CDC42SE2: variants seen among roughly 807,000 people sequenced by gnomAD.
The protein encoded by CDC42SE2 is CDC42 small effector protein 2.
In CDC42SE2, 3 loss-of-function variants were observed where a neutral mutation model predicts 11.5. The ratio of observed to expected loss-of-function variants is 0.26; its 90% confidence interval spans 0.12 to 0.67. The LOEUF is 0.67. Ranked by LOEUF, CDC42SE2 falls within the 30% of genes least tolerant of loss-of-function variation. The pLI, the probability that CDC42SE2 is intolerant of heterozygous loss-of-function variation, is 0.80. For synonymous variants in CDC42SE2, 33 were observed against 34.8 expected (o/e 0.95, Z 0.18); for missense variants, 82 against 106.8 (o/e 0.77, Z 1.02).
chr5:131,375,620 G>A (rs972891055), intron 3 of CDC42SE2, among the ~76,000 whole-genome samples: 2 of 152,040 alleles, frequency 1.3e-5, no homozygotes, highest in Non-Finnish European at 2.9e-5. Context: ...AGCCAGACAA[G>A]TAGAATTATT....
chr5:131,253,971 C>T (rs1456070142), intron 1 of CDC42SE2, among the ~76,000 whole-genome samples: 2 of 152,164 alleles, frequency 1.3e-5, no homozygotes, highest in Non-Finnish European at 1.5e-5. Flanking sequence ...AGGAGAAACA[C>T]CACTGTCTGA....
intron 3 of CDC42SE2, among the ~76,000 whole-genome samples, chr5:131,381,404 A>T (rs931714990): frequency 5.3e-5 from 8 of 151,476 alleles, no homozygotes; most frequent in Non-Finnish European, 8.8e-5. Context: ...GCTCACTGCA[A>T]CCTCCGCCTC....
chr5:131,283,981 C>T (rs1757291872), intron 1 of CDC42SE2, among the ~76,000 whole-genome samples: 1 of 152,006 alleles, frequency 6.6e-6, no homozygotes, highest in African/African-American at 2.4e-5. Context: ...GTATATATAC[C>T]TAGGAGTAGA....
intron 1 of CDC42SE2, among the ~76,000 whole-genome samples, chr5:131,284,455 G>T (rs1028198642): frequency 1.3e-5 from 2 of 152,136 alleles, no homozygotes; most frequent in African/African-American, 4.8e-5. Flanking sequence ...AGTGTACCTG[G>T]TTTTGGGGGA....
At chr5:131,259,369 G>GA (rs1304383602), upstream of CDC42SE2, among the ~76,000 whole-genome samples, 2 of 151,792 alleles carry the variant, frequency 1.3e-5, no homozygotes, top group African/African-American at 2.4e-5. Flanking sequence ...ATATCTTTAG[G>GA]AAAAAAATAC....
At chr5:131,372,351 C>G (rs40396) in intron 3 of CDC42SE2, among the ~76,000 whole-genome samples, 34,911 of 151,926 alleles carry the variant, frequency 0.23, 4,302 homozygotes, top group East Asian at 0.49. Context: ...TTTTTAAGAA[C>G]TCCAAGGTTC....
intron 1 of CDC42SE2, among the ~76,000 whole-genome samples, chr5:131,252,509 T>G (rs1756648427): frequency 6.6e-6 from 1 of 152,068 alleles, no homozygotes. Context: ...CAAAAAAAAT[T>G]AGCCGGGCGT....
intron 2 of CDC42SE2, among the ~76,000 whole-genome samples, chr5:131,327,181 C>G (rs549360726): frequency 6.6e-6 from 1 of 151,992 alleles, no homozygotes; most frequent in Admixed American, 6.5e-5. Context: ...TATTTTTGTT[C>G]TTATGATGAT....
chr5:131,340,924 G>C lies in CDC42SE2; in HGVS notation c.-285-18285G>C, dbSNP rs539609978. On this transcript the variant is annotated intron_variant, in intron 2 of 4. Coordinates refer to ENST00000505065, the MANE Select transcript of CDC42SE2 (RefSeq NM_001375635.1). ...ACTCCTGATCTCAAGTGATCTGCCTGCCGTAGCCTCCCAAAGTGCTGGTAT... is the reference window on the plus strand; with the variant it reads ...ACTCCTGATCTCAAGTGATCTGCCTCCCGTAGCCTCCCAAAGTGCTGGTAT... 2.6e-5 allele frequency among the ~76,000 whole-genome samples: 4 copies of C among 152,272 alleles called. No homozygotes were observed. The South Asian group carries it at 8.3e-4, about 32-fold the overall frequency.
chr5:131,378,262 A>G (rs1021724778), intron 3 of CDC42SE2, among the ~76,000 whole-genome samples: 2 of 152,218 alleles, frequency 1.3e-5, no homozygotes, highest in Admixed American at 6.5e-5. Context: ...TTTTGTGTCA[A>G]TGAATATCCA....
chr5:131,239,491 C>A, the CDC42SE2 span, among the ~76,000 whole-genome samples: 2 of 152,098 alleles, frequency 1.3e-5, no homozygotes, highest in South Asian at 4.1e-4. Flanking sequence ...GGTTGCTTAT[C>A]CTCCTGTTTA....
intron 2 of CDC42SE2, among the ~76,000 whole-genome samples, chr5:131,343,644 C>G (rs966650693): frequency 2.0e-5 from 3 of 149,962 alleles, no homozygotes; most frequent in Non-Finnish European, 4.4e-5. Flanking sequence ...ACCCAGGAGG[C>G]GGAGGTTGTG....
intron 2 of CDC42SE2, among the ~76,000 whole-genome samples, chr5:131,318,213 G>A (rs1758091794): frequency 1.3e-5 from 2 of 152,054 alleles, no homozygotes; most frequent in South Asian, 4.2e-4. Flanking sequence ...TGCGGGAACT[G>A]AAGGTGTGAG....
chr5:131,243,022 A>C (rs962944589), upstream of CDC42SE2, among the ~76,000 whole-genome samples: 4 of 152,234 alleles, frequency 2.6e-5, no homozygotes, highest in Non-Finnish European at 4.4e-5. Flanking sequence ...TCCTGGAGCA[A>C]TAAGCACTTA....
chr5:131,211,224 A>G, the CDC42SE2 span, among the ~76,000 whole-genome samples: 2 of 152,230 alleles, frequency 1.3e-5, no homozygotes, highest in African/African-American at 4.8e-5. Context: ...CAAATTTGGT[A>G]CCTGCTGTAA....
In CDC42SE2 at chr5:131,305,692, A is replaced by C. The variant is rs139765339; in HGVS notation, c.-454-10284A>C. Reference sequence around the variant, plus strand: ...AAATGGTTTTTAAATATTTTCTCTCAATCTGTGGATTGTCTCTTCAATCCA... The same window carrying C: ...AAATGGTTTTTAAATATTTTCTCTCCATCTGTGGATTGTCTCTTCAATCCA... On this transcript the variant is annotated intron_variant, in intron 1 of 4. Transcript: ENST00000505065. 7.3e-3 allele frequency among the ~76,000 whole-genome samples: 1,114 copies of C among 152,216 alleles called. 15 individuals carry two copies. The highest frequency in any genetic ancestry group is 0.026 in the African/African-American group (1,068 of 41,526).
intron 2 of CDC42SE2, among the ~76,000 whole-genome samples, chr5:131,352,953 T>C (rs535937658): frequency 6.6e-6 from 1 of 152,216 alleles, no homozygotes; most frequent in South Asian, 2.1e-4. Context: ...CTCAATTCAT[T>C]ATTATCAACT....
At position 131,297,151 on chromosome 5, in the gene CDC42SE2, T is replaced by C. The variant is rs575897516; in HGVS notation, c.-454-18825T>C. ...AAGGATGACTTCAGATTAAATACTT[T>C]ATATTCTTTTTTTTTTTTTTTTGCA... On this transcript the variant is annotated intron_variant, in intron 1 of 4. Coordinates refer to ENST00000505065, the MANE Select transcript of CDC42SE2 (RefSeq NM_001375635.1). Among the ~76,000 whole-genome samples, 70 of 82,668 alleles carry C rather than the reference T, an allele frequency of 8.5e-4. No individual in the cohort carries two copies. The South Asian group carries it at 0.011, about 13-fold the overall frequency. The allele number at this position is 82,668 out of a possible 152,430, so 54.2% of individuals were successfully genotyped here. A position where few individuals can be genotyped will look rare whatever the true frequency, so the allele number is the denominator to read the frequency against.
At chr5:131,250,831 G>T (rs1173403757) in intron 1 of CDC42SE2, among the ~76,000 whole-genome samples, 1 of 152,140 alleles carries the variant, frequency 6.6e-6, no homozygotes, top group African/African-American at 2.4e-5. Flanking sequence ...CTTGAGCTCA[G>T]GAGTTAGAGC....
Sources: gnomAD v4.1 joint callset for allele counts (sites outside exome capture counted in the v4.1 genomes callset) on GRCh38, gnomAD v4.1.1 for gene constraint, MANE v1.5 for transcripts, NCBI Gene and HGNC (gene_info 2026-07-23, HGNC 2026-07-21) for gene names.